MLLT6: variants seen among roughly 807,000 people sequenced by gnomAD.
MLLT6 encodes protein AF-17.
Under a neutral mutation model 103.0 loss-of-function variants are expected in MLLT6, and 22 were observed. The ratio of observed to expected loss-of-function variants is 0.21; its 90% CI spans 0.15 to 0.31. The LOEUF is 0.31. Among genes scored for constraint, MLLT6 ranks in the 10% least tolerant of loss-of-function variants. The pLI, the probability that MLLT6 is intolerant of heterozygous loss-of-function variation, is 1.00. For missense variants in MLLT6, 1,199 were observed against 1,441.7 expected (o/e 0.83, Z 2.73); for synonymous variants, 606 against 623.5 (o/e 0.97, Z 0.42).
intron 3 of MLLT6, 36 bp downstream of exon 3, chr17:38,707,576 C>A: frequency 6.2e-7 from 1 of 1,605,424 alleles, no homozygotes; most frequent in Non-Finnish European, 8.5e-7. Flanking sequence ...CAGCAGGGCC[C>A]CCTGAGCAGG....
At chr17:38,723,222 G>A (rs1010017296) in intron 18 of MLLT6, among the ~76,000 whole-genome samples, 7 of 152,194 alleles carry the variant, frequency 4.6e-5, no homozygotes, top group South Asian at 4.1e-4. Context: ...GAGGGAAGCA[G>A]CCGGGTGTGG....
At chr17:38,713,271 A>T in intron 8 of MLLT6, 4 of 423,972 alleles carry the variant, frequency 9.4e-6, no homozygotes, top group Non-Finnish European at 1.7e-5. Context: ...CAGTATCCCG[A>T]AACTCCCACT....
intron 12 of MLLT6, chr17:38,718,936 A>G (rs1905513242): frequency 6.3e-6 from 1 of 158,766 alleles, no homozygotes; most frequent in East Asian, 1.5e-4. Context: ...AGGGTGATAT[A>G]TTTGTTAAAA....
At chr17:38,717,119 G>A (rs2143690132) in intron 10 of MLLT6, 138 bp downstream of exon 10, 1 of 1,301,404 alleles carries the variant, frequency 7.7e-7, no homozygotes, top group South Asian at 1.4e-5. Context: ...GTCACCTTCA[G>A]GACATCCCCC....
chr17:38,720,922 A>G, intron 16 of MLLT6, 175 bp downstream of exon 16: 1 of 639,168 alleles, frequency 1.6e-6, no homozygotes, highest in Non-Finnish European at 2.7e-6. Context: ...ACTTAGTGCC[A>G]GCCATTGGCT....
chr17:38,714,935 G>A (rs1314757018), intron 8 of MLLT6, among the ~76,000 whole-genome samples: 2 of 152,202 alleles, frequency 1.3e-5, no homozygotes, highest in East Asian at 1.9e-4. Context: ...GGTCATGTGT[G>A]CACAGTTCTC....
At chr17:38,712,068 C>T in intron 7 of MLLT6, 54 bp downstream of exon 7, 1 of 1,475,602 alleles carries the variant, frequency 6.8e-7, no homozygotes, top group South Asian at 1.4e-5. Flanking sequence ...TGGAGACTCA[C>T]AAACATGGCT....
chr17:38,712,931 T>G, intron 8 of MLLT6, 142 bp downstream of exon 8: 1 of 749,172 alleles, frequency 1.3e-6, no homozygotes, highest in Admixed American at 1.7e-5. Context: ...TCCTACCCCA[T>G]ACCCTCTACT....
chr17:38,709,664 G>A lies in MLLT6; in HGVS notation c.552+89G>A. 1.0e-6 allele frequency: 1 copy of A among 996,438 alleles called. No individual in the cohort carries two copies. The highest frequency in any genetic ancestry group is 1.6e-6 in the Non-Finnish European group (1 of 633,738). 61.7% of individuals were successfully genotyped at this position (996,438 alleles called of 1,614,324 possible). A position where few individuals can be genotyped will look rare whatever the true frequency, so the allele number is the denominator to read the frequency against. ...GGGCTCTGGGCCAGGCCAGTGCCTG[G>A]TGCTAGGAGGACAGAGAGGGAAAAA... On this transcript the variant is annotated intron_variant, in intron 6 of 19. Transcript: ENST00000621332. The surrounding 1 kb of genome is among the most constrained non-coding windows in gnomAD (Gnocchi z 4.3).
intron 16 of MLLT6, chr17:38,721,073 G>T: frequency 2.3e-6 from 1 of 440,886 alleles, no homozygotes; most frequent in Non-Finnish European, 4.1e-6. Context: ...GGGGAGGGCT[G>T]CTTCTGTGGA....
chr17:38,710,692 A>G (rs1310797583), intron 6 of MLLT6, among the ~76,000 whole-genome samples: 1 of 152,064 alleles, frequency 6.6e-6, no homozygotes, highest in Admixed American at 6.6e-5. Context: ...AACAAGGGGT[A>G]CAGCTGGCTT....
At chr17:38,720,159 G>A (rs1392930785) in intron 14 of MLLT6, 1 of 690,362 alleles carries the variant, frequency 1.4e-6, no homozygotes, top group Non-Finnish European at 2.4e-6. Context: ...GACCCGTGTG[G>A]CCTCGACCCC....
chr17:38,707,111 GC>G (rs1360262157), intron 2 of MLLT6, 82 bp downstream of exon 2: 2 of 1,237,048 alleles, frequency 1.6e-6, no homozygotes, highest in African/African-American at 3.0e-5. Context: ...GGACTCTGAG[GC>G]CGAGGCTAGG....
chr17:38,717,034 G>A (rs1905380261), intron 10 of MLLT6, 53 bp downstream of exon 10: 3 of 1,601,708 alleles, frequency 1.9e-6, no homozygotes, highest in Admixed American at 3.5e-5. Context: ...AGTCTAGTGA[G>A]GAACAGAGCT....
chr17:38,718,689 G>C (rs1306845527), intron 12 of MLLT6: 1 of 152,204 alleles, frequency 6.6e-6, no homozygotes, highest in Admixed American at 6.5e-5. Flanking sequence ...CCTTGGCTTC[G>C]TAGTGTGTCT....
chr17:38,727,579 G>C lies in MLLT6; in HGVS notation c.*1981G>C. 5.1e-6 allele frequency: 1 copy of C among 195,526 alleles called. No individual in the cohort carries two copies. The highest frequency in any genetic ancestry group is 1.1e-5 in the Non-Finnish European group (1 of 94,128). The allele number at this position is 195,526 out of a possible 1,614,324, so 12.1% of individuals were successfully genotyped here. Reference sequence around the variant, plus strand: ...ACACTTTGGGAGGCTGAGGCGGGCGGATCACTTAAGGTCAGGAGTTCAAGA... The same window carrying C: ...ACACTTTGGGAGGCTGAGGCGGGCGCATCACTTAAGGTCAGGAGTTCAAGA... On this transcript the variant is annotated 3_prime_UTR_variant, in exon 20 of 20. Transcript: ENST00000621332.
intron 8 of MLLT6, 174 bp from the exon 9 acceptor site, chr17:38,715,438 C>A: frequency 8.8e-7 from 1 of 1,131,010 alleles, no homozygotes; most frequent in African/African-American, 1.6e-5. Flanking sequence ...AGCTGCCTCC[C>A]CATATCCCTG....
intron 7 of MLLT6, 126 bp downstream of exon 7, chr17:38,712,140 C>T: frequency 7.3e-7 from 1 of 1,374,428 alleles, no homozygotes; most frequent in Non-Finnish European, 9.4e-7. Context: ...CCTCTGAGGC[C>T]ACTGAGGGCA....
Position 38,716,723 on chromosome 17 carries a change from GAGA to G in MLLT6, c.1399_1401del (p.Lys467del). On this transcript the variant is annotated inframe_deletion, in exon 10 of 20. Coordinates refer to ENST00000621332, the MANE Select transcript of MLLT6 (RefSeq NM_005937.4). The surrounding 1 kb of genome is among the most constrained non-coding windows in gnomAD (Gnocchi z 5.6). ...TGAGACCCCTGAGACAGGCCTGAAG[GAGA>G]AGAAGCACAAAGCCAGCAAGAGGAG... is the stretch of plus-strand genomic sequence containing the variant. 2 of 1,610,560 alleles carry G rather than the reference GAGA, an allele frequency of 1.2e-6. No individual in the cohort carries two copies. The highest frequency in any genetic ancestry group is 1.7e-6 in the Non-Finnish European group (2 of 1,178,666).
Sources: gnomAD v4.1 joint callset for allele counts (sites outside exome capture counted in the v4.1 genomes callset) on GRCh38, gnomAD v4.1.1 for gene constraint, Gnocchi (gnomAD v3.1) non-coding constraint, MANE v1.5 for transcripts, NCBI Gene and HGNC (gene_info 2026-07-23, HGNC 2026-07-21) for gene names.